Variants in COPB2 observed in about 807,000 individuals in gnomAD.
COPB2 encodes coatomer subunit beta'.
Under a neutral mutation model 120.8 loss-of-function variants are expected in COPB2, and 16 were observed. The observed-to-expected ratio is 0.13, with a 90% CI of 0.09 to 0.20. The LOEUF is 0.20. Ranked by LOEUF, COPB2 falls within the 10% of genes least tolerant of loss-of-function variation. The probability of loss-of-function intolerance (pLI) is 1.00; values close to 1 mark genes in which losing one functional copy is unlikely to be tolerated. For synonymous variants in COPB2, 332 were observed against 366.3 expected (o/e 0.91, Z 1.07); for missense variants, 794 against 1,076.5 (o/e 0.74, Z 3.67).
intron 9 of COPB2, 124 bp downstream of exon 9, chr3:139,373,089 G>T: frequency 4.3e-6 from 4 of 930,556 alleles, no homozygotes; most frequent in Non-Finnish European, 6.8e-6. Flanking sequence ...GGATTGTGAG[G>T]CCAGGGCAAA....
chr3:139,386,970 G>A (rs1353716062), intron 1 of COPB2, among the ~76,000 whole-genome samples: 1 of 151,390 alleles, frequency 6.6e-6, no homozygotes, highest in Non-Finnish European at 1.5e-5. Flanking sequence ...AAGCTGAGGC[G>A]GGAGGATCAC....
chr3:139,366,841 A>C (rs1576371827), intron 14 of COPB2, 66 bp from the exon 15 acceptor site: 1 of 1,544,470 alleles, frequency 6.5e-7, no homozygotes, highest in Non-Finnish European at 8.9e-7. Context: ...ACACCCCGCC[A>C]ATCTCCCTCT....
chr3:139,363,255 T>C (rs2107798200), intron 15 of COPB2, among the ~76,000 whole-genome samples: 1 of 152,264 alleles, frequency 6.6e-6, no homozygotes, highest in East Asian at 1.9e-4. Context: ...TGTGGCCTGT[T>C]AGGAATCAGG....
intron 13 of COPB2, among the ~76,000 whole-genome samples, chr3:139,367,830 T>C (rs1266255197): frequency 6.6e-6 from 1 of 152,220 alleles, no homozygotes; most frequent in African/African-American, 2.4e-5. Context: ...ATAAATGATT[T>C]ACCATTTGGG....
intron 19 of COPB2, 35 bp downstream of exon 19, chr3:139,358,963 T>TA (rs772129574): frequency 2.4e-5 from 38 of 1,603,496 alleles, no homozygotes; most frequent in African/African-American, 1.7e-4. Context: ...ACCCTGTAGT[T>TA]ACAATAAATG....
At chr3:139,367,219 G>A (rs1476532453) in intron 13 of COPB2, 74 bp from the exon 14 acceptor site, 3 of 1,506,560 alleles carry the variant, frequency 2.0e-6, no homozygotes, top group Admixed American at 4.0e-5. Context: ...GAATATATCT[G>A]AGGGTGATAT....
At chr3:139,367,223 GTGATA>G (rs1251837759) in intron 13 of COPB2, 78 bp from the exon 14 acceptor site, 1 of 1,461,464 alleles carries the variant, frequency 6.8e-7, no homozygotes, top group African/African-American at 1.4e-5. Flanking sequence ...ATATCTGAGG[GTGATA>G]TGGCAGAATA....
intron 5 of COPB2, 22 bp from the exon 6 acceptor site, chr3:139,375,636 G>C: frequency 1.2e-6 from 2 of 1,611,174 alleles, no homozygotes; most frequent in South Asian, 2.2e-5. Flanking sequence ...AACAGCATCG[G>C]CCAGTCAATA....
intron 14 of COPB2, 70 bp downstream of exon 14, chr3:139,366,945 A>G: frequency 6.4e-7 from 1 of 1,554,836 alleles, no homozygotes; most frequent in Non-Finnish European, 8.7e-7. Flanking sequence ...TATCATTGCT[A>G]CAAGCCAGCA....
intron 1 of COPB2, among the ~76,000 whole-genome samples, chr3:139,386,861 C>T (rs1259724681): frequency 6.6e-6 from 1 of 151,780 alleles, no homozygotes; most frequent in African/African-American, 2.4e-5. Context: ...CTGAGCAACC[C>T]CAGTAAACCT....
intron 6 of COPB2, 83 bp downstream of exon 6, chr3:139,375,385 C>T (rs1941694386): frequency 2.1e-6 from 3 of 1,407,100 alleles, no homozygotes; most frequent in African/African-American, 1.4e-5. Context: ...GAACAGTTTT[C>T]AACAACCCAA....
chr3:139,379,056 T>A lies in COPB2; in HGVS notation c.346A>T (p.Thr116Ser), dbSNP rs1941763900. 2 of 1,597,124 alleles carry A rather than the reference T, an allele frequency of 1.3e-6. No individual in the cohort carries two copies. The highest frequency in any genetic ancestry group is 8.5e-7 in the Non-Finnish European group (1 of 1,175,302). The part of the protein sequence containing the change: ...AVHPTQPFIL[T>S]SSDDMLIKLW... The stretch of plus-strand genomic sequence containing the variant: ...AAAGGTCATCTCTTACCACTGCTAG[T>A]TAGAATGAAAGGCTGGGTTGGATGA... The change falls in exon 4 of 22, where the codon ACT (threonine) becomes TCT (serine). Residue 116 changes from threonine to serine, a missense_variant. Coordinates refer to ENST00000333188, the MANE Select transcript of COPB2 (RefSeq NM_004766.3).
chr3:139,371,688 C>G (rs1233631537), intron 10 of COPB2, 35 bp downstream of exon 10: 1 of 1,550,696 alleles, frequency 6.4e-7, no homozygotes, highest in East Asian at 2.2e-5. Context: ...CATCTGCAAT[C>G]AGGGCATGCT....
intron 17 of COPB2, among the ~76,000 whole-genome samples, chr3:139,359,632 G>T (rs1252286516): frequency 1.3e-5 from 2 of 152,084 alleles, no homozygotes; most frequent in African/African-American, 2.4e-5. Context: ...AGGAGTTAAG[G>T]CAGGTTAGAT....
At chr3:139,378,948 G>T in intron 4 of COPB2, 99 bp downstream of exon 4, 1 of 1,297,764 alleles carries the variant, frequency 7.7e-7, no homozygotes, top group South Asian at 1.6e-5. Flanking sequence ...CTTGGAATTA[G>T]AATTATATTT....
chr3:139,384,021 G>C (rs969524685), intron 1 of COPB2, among the ~76,000 whole-genome samples: 1 of 152,144 alleles, frequency 6.6e-6, no homozygotes, highest in African/African-American at 2.4e-5. Context: ...ACAAAATAAT[G>C]CCTGGTCTCA....
Position 139,378,030 on chromosome 3 carries a change from G to A in COPB2, c.504+11C>T, listed in dbSNP as rs1431339377. The A allele has an allele frequency of 2.0e-6, 3 of 1,512,374 alleles. No individual in the cohort carries two copies. Among genetic ancestry groups the A allele is most frequent in the Non-Finnish European group, 2.7e-6 (3 of 1,111,030 alleles). 93.7% of individuals were successfully genotyped at this position (1,512,374 alleles called of 1,614,324 possible). A position where few individuals can be genotyped will look rare whatever the true frequency, so the allele number is the denominator to read the frequency against. On this transcript the variant is annotated intron_variant, in intron 5 of 21. Coordinates refer to ENST00000333188, the MANE Select transcript of COPB2 (RefSeq NM_004766.3). ...AATAATGATAACTGACACAAAATGT[G>A]GATGCCCTACCTTGATAGTCCTGTC...
rs1319031453 is a variant in COPB2 at position 139,357,911 on chromosome 3, A to ATCT, written c.2670_2672dup (p.Glu890dup). 3.1e-6 allele frequency: 5 copies of ATCT among 1,600,942 alleles called. No homozygotes were observed. Among genetic ancestry groups the ATCT allele is most frequent in the Admixed American group, 1.7e-5 (1 of 59,252 alleles). On this transcript the variant is annotated inframe_insertion, in exon 22 of 22. Transcript: ENST00000333188. ...CCAGATTGATATCTGTTGTGTCAAT[A>ATCT]TCTTCTAATTCCAAATTATCCAAAT... is the stretch of plus-strand genomic sequence containing the variant.
At chr3:139,364,012 TTCCCTAC>T (rs1941471062) in intron 15 of COPB2, among the ~76,000 whole-genome samples, 1 of 151,364 alleles carries the variant, frequency 6.6e-6, no homozygotes, top group African/African-American at 2.4e-5. Context: ...TTTCTGCTAA[TTCCCTAC>T]TACTAATAAA....
Sources: allele counts gnomAD v4.1 joint callset (sites outside exome capture counted in the v4.1 genomes callset), GRCh38; gene constraint gnomAD v4.1.1; transcripts MANE v1.5; gene names NCBI Gene and HGNC (gene_info 2026-07-23, HGNC 2026-07-21).